DEAF1: variants seen among roughly 807,000 people sequenced by gnomAD.
DEAF1 encodes deformed epidermal autoregulatory factor 1 homolog.
DEAF1 carries 53 observed loss-of-function variants against 58.9 expected under a neutral mutation model. That is an observed-to-expected ratio of 0.90 (90% confidence interval 0.72 to 1.13). The LOEUF is 1.13. Among genes scored for constraint, DEAF1 ranks in the 50% most tolerant of loss-of-function variants. The pLI is 0.00. For synonymous variants in DEAF1, 385 were observed against 340.4 expected (o/e 1.13, Z -1.44); for missense variants, 685 against 791.4 (o/e 0.87, Z 1.61).
At chr11:678,370 G>A in intron 9 of DEAF1, 1 of 369,456 alleles carries the variant, frequency 2.7e-6, no homozygotes, top group Middle Eastern at 9.5e-4. Flanking sequence ...CCTGCCACTG[G>A]GGAGTGTCTA....
chr11:696,517 G>A (rs1353797934), upstream of DEAF1, among the ~76,000 whole-genome samples: 1 of 152,210 alleles, frequency 6.6e-6, no homozygotes, highest in African/African-American at 2.4e-5. Context: ...AGTGGCTCAG[G>A]CCTGTAAGCC....
intron 10 of DEAF1, among the ~76,000 whole-genome samples, chr11:658,759 G>A (rs1859185188): frequency 6.6e-6 from 1 of 152,262 alleles, no homozygotes; most frequent in Non-Finnish European, 1.5e-5. Context: ...CAGCCCCTCA[G>A]CAGAGACTGC....
chr11:674,438 T>C, intron 10 of DEAF1, 98 bp downstream of exon 10: 1 of 1,559,804 alleles, frequency 6.4e-7, no homozygotes, highest in African/African-American at 1.3e-5. Context: ...GCAGGGGCCT[T>C]GTGAGCCAAG....
upstream of DEAF1, among the ~76,000 whole-genome samples, chr11:698,562 T>C (rs1163041433): frequency 1.3e-5 from 2 of 152,128 alleles, no homozygotes; most frequent in Admixed American, 6.5e-5. Flanking sequence ...TGGGGTGGGC[T>C]CCAGGGTGCT....
At chr11:660,218 C>T (rs966057974) in intron 10 of DEAF1, among the ~76,000 whole-genome samples, 1 of 152,236 alleles carries the variant, frequency 6.6e-6, no homozygotes, top group African/African-American at 2.4e-5. Flanking sequence ...GAAAGCTGAG[C>T]CGCACACGTA....
chr11:694,950 GCCGCGGCCGCGGCCGCCGCCGCCA>G lies in DEAF1; in HGVS notation c.74_97del (p.Val25_Ala32del). 8.2e-7 allele frequency: 1 copy of G among 1,215,812 alleles called. No individual in the cohort carries two copies. Among genetic ancestry groups the G allele is most frequent in the South Asian group, 3.1e-5 (1 of 32,160 alleles). 75.3% of individuals were successfully genotyped at this position (1,215,812 alleles called of 1,614,324 possible). A position where few individuals can be genotyped will look rare whatever the true frequency, so the allele number is the denominator to read the frequency against. ...CACCGGCTCCTCCGCCTCGCCTCCT[GCCGCGGCCGCGGCCGCCGCCGCCA>G]CAGCGGCCGCGGCCGCCACCGCCGC... is the stretch of plus-strand genomic sequence containing the variant. On this transcript the variant is annotated inframe_deletion, in exon 1 of 12. Coordinates refer to ENST00000382409, the MANE Select transcript of DEAF1 (RefSeq NM_021008.4).
upstream of DEAF1, among the ~76,000 whole-genome samples, chr11:696,854 C>G (rs113741963): frequency 6.6e-6 from 1 of 151,682 alleles, no homozygotes; most frequent in Admixed American, 6.6e-5. Context: ...CCAAAGCGGG[C>G]GGATCACCTG....
At chr11:701,759 C>T (rs1421223650) in intron 1 of DEAF1, among the ~76,000 whole-genome samples, 1 of 152,184 alleles carries the variant, frequency 6.6e-6, no homozygotes. Context: ...CTCTTGGGCT[C>T]AAGCAATCTG....
rs60778156 is a variant in DEAF1, at chr11:702,439, G to A, written c.-438+4133C>T. Among the ~76,000 whole-genome samples the A allele has an allele frequency of 6.4e-3, 978 of 152,336 alleles. 6 individuals carry two copies. Among genetic ancestry groups the A allele is most frequent in the African/African-American group, 0.022 (922 of 41,574 alleles). On this transcript the variant is annotated intron_variant, in intron 1 of 11. Transcript: ENST00000683307. ...GGCCAACGGGACCCTCCCCAAGCGC[G>A]CCGCACACTGCAGGGTCTCCAGGCA...
intron 11 of DEAF1, among the ~76,000 whole-genome samples, chr11:652,593 T>C (rs1315689487): frequency 6.7e-6 from 1 of 149,136 alleles, no homozygotes; most frequent in Non-Finnish European, 1.5e-5. Flanking sequence ...AGCCGAGATC[T>C]TGCCACTGCA....
At chr11:655,354 G>A (rs1018067806) in intron 10 of DEAF1, among the ~76,000 whole-genome samples, 7 of 152,170 alleles carry the variant, frequency 4.6e-5, no homozygotes, top group African/African-American at 1.7e-4. Flanking sequence ...TTACATTATT[G>A]GAGCTTTTCT....
upstream of DEAF1, chr11:699,751 C>CAA: frequency 9.6e-5 from 16 of 166,380 alleles, no homozygotes; most frequent in East Asian, 3.3e-4. Context: ...GACTCTATCT[C>CAA]AAAAAAAAAA....
At chr11:698,844 T>C (rs373247778), upstream of DEAF1, 9 of 1,614,052 alleles carry the variant, frequency 5.6e-6, no homozygotes, top group African/African-American at 1.1e-4. Flanking sequence ...TGTCAGGCCT[T>C]GCTCACGGCC....
chr11:670,401 CTTTTTTTT>C (rs56358451), intron 10 of DEAF1, among the ~76,000 whole-genome samples: 1 of 143,800 alleles, frequency 7.0e-6, no homozygotes. Context: ...TGGAAGTATA[CTTTTTTTT>C]TTTTTTTTTT....
At chr11:668,077 A>G (rs1035065038) in intron 10 of DEAF1, among the ~76,000 whole-genome samples, 12 of 152,200 alleles carry the variant, frequency 7.9e-5, no homozygotes, top group Non-Finnish European at 1.3e-4. Context: ...GTGCCACTGC[A>G]CTCCAGCCTG....
intron 10 of DEAF1, among the ~76,000 whole-genome samples, chr11:673,380 T>A (rs1004235310): frequency 1.3e-5 from 2 of 151,186 alleles, no homozygotes; most frequent in African/African-American, 2.4e-5. Flanking sequence ...TACAGAAAAT[T>A]AGCCAGGTGT....
intron 10 of DEAF1, among the ~76,000 whole-genome samples, chr11:668,065 TTG>T (rs1333339642): frequency 6.6e-6 from 1 of 152,132 alleles, no homozygotes; most frequent in East Asian, 1.9e-4. Context: ...TGAGCGGAGA[TTG>T]TGCCACTGCA....
At chr11:701,695 C>T (rs1218307314) in intron 1 of DEAF1, among the ~76,000 whole-genome samples, 1 of 152,084 alleles carries the variant, frequency 6.6e-6, no homozygotes, top group Non-Finnish European at 1.5e-5. Flanking sequence ...AGGCGTGAGC[C>T]ACCGCGCCCG....
At chr11:685,941 C>T (rs1221492331) in intron 5 of DEAF1, among the ~76,000 whole-genome samples, 1 of 149,900 alleles carries the variant, frequency 6.7e-6, no homozygotes, top group Admixed American at 6.7e-5. Context: ...GTCGGGAGTT[C>T]GAGACTAGCC....
Sources: allele counts gnomAD v4.1 joint callset (sites outside exome capture counted in the v4.1 genomes callset), GRCh38; gene constraint gnomAD v4.1.1; transcripts MANE v1.5; gene names NCBI Gene and HGNC (gene_info 2026-07-23, HGNC 2026-07-21).